RGS8: variants seen among roughly 807,000 people sequenced by gnomAD.
The protein encoded by RGS8 is regulator of G protein signaling 8, also known as regulator of G-protein signaling 8.
A neutral mutation model predicts 21.7 loss-of-function variants in RGS8; 8 were observed. The ratio of observed to expected loss-of-function variants is 0.37; its 90% CI spans 0.22 to 0.66. The LOEUF (loss-of-function observed/expected upper bound fraction) is 0.66, where lower values mean the gene tolerates loss of function less well. Among genes scored for constraint, RGS8 ranks in the 30% least tolerant of loss-of-function variants. RGS8 has a pLI of 0.59. For synonymous variants in RGS8, 80 were observed against 83.6 expected (o/e 0.96, Z 0.24); for missense variants, 157 against 217.9 (o/e 0.72, Z 1.76).
the RGS8 span, among the ~76,000 whole-genome samples, chr1:182,721,319 G>A: frequency 1.3e-5 from 2 of 152,066 alleles, no homozygotes; most frequent in African/African-American, 4.8e-5. Context: ...AAACAGGAGA[G>A]GGGAAATGTA....
At chr1:182,644,456 A>G (rs1376177546), downstream of RGS8, 1 of 152,158 alleles carries the variant, frequency 6.6e-6, no homozygotes, top group African/African-American at 2.4e-5. Flanking sequence ...CAGGATCCCC[A>G]AGCTTGGTCT....
At chr1:182,709,633 C>T in the RGS8 span, among the ~76,000 whole-genome samples, 1 of 152,150 alleles carries the variant, frequency 6.6e-6, no homozygotes, top group Non-Finnish European at 1.5e-5. Flanking sequence ...TATATCTCAT[C>T]GGCACTCCCC....
chr1:182,739,837 C>T, the RGS8 span, among the ~76,000 whole-genome samples: 1 of 152,102 alleles, frequency 6.6e-6, no homozygotes, highest in Non-Finnish European at 1.5e-5. Context: ...GCAGCAGAGA[C>T]CAGAGAGCTC....
At chr1:182,666,724 A>T in intron 4 of RGS8, 148 bp downstream of exon 5, 2 of 606,960 alleles carry the variant, frequency 3.3e-6, no homozygotes, top group South Asian at 4.0e-5. Context: ...GAAAATAAAC[A>T]TTCCTTTCAC....
the RGS8 span, among the ~76,000 whole-genome samples, chr1:182,745,522 T>C: frequency 6.6e-6 from 1 of 152,248 alleles, no homozygotes. Context: ...GACTTGAAAG[T>C]AATAAAATGG....
chr1:182,667,061 G>A (rs386467176), intron 3 of RGS8, 88 bp from the exon 5 acceptor site: 62 of 1,081,604 alleles, frequency 5.7e-5, no homozygotes, highest in Non-Finnish European at 7.7e-5. Flanking sequence ...CTGCTGCTAC[G>A]GGAGCCAGCA....
downstream of RGS8, chr1:182,645,485 T>C (rs1436281065): frequency 2.6e-5 from 4 of 152,222 alleles, no homozygotes; most frequent in Non-Finnish European, 5.9e-5. Flanking sequence ...AAGAATTGCC[T>C]GACACATTTC....
At chr1:182,696,539 G>A in the RGS8 span, among the ~76,000 whole-genome samples, 1 of 152,044 alleles carries the variant, frequency 6.6e-6, no homozygotes, top group South Asian at 2.1e-4. Context: ...TGTATTTTTA[G>A]TAGGGATGGG....
intron 6 of RGS8, 60 bp from the exon 8 acceptor site, chr1:182,646,977 T>G (rs763017447): frequency 7.2e-7 from 1 of 1,393,260 alleles, no homozygotes; most frequent in Non-Finnish European, 9.9e-7. Flanking sequence ...TTCTGGCAGC[T>G]GGCCCTAACT....
chr1:182,655,698 T>C (rs1161545965), intron 5 of RGS8, among the ~76,000 whole-genome samples: 1 of 152,210 alleles, frequency 6.6e-6, no homozygotes, highest in African/African-American at 2.4e-5. Flanking sequence ...GGGTTGGATA[T>C]GATGAGCTTT....
the RGS8 span, among the ~76,000 whole-genome samples, chr1:182,692,675 C>CAAAAAAA: frequency 1.1e-3 from 32 of 27,964 alleles, no homozygotes; most frequent in South Asian, 2.2e-3. Flanking sequence ...CAATCCTAAG[C>CAAAAAAA]AAAAAAAAAA....
chr1:182,720,350 C>T, the RGS8 span, among the ~76,000 whole-genome samples: 4 of 152,134 alleles, frequency 2.6e-5, no homozygotes, highest in African/African-American at 9.7e-5. Context: ...AAAGTTATCT[C>T]GCAAAAATCT....
the RGS8 span, among the ~76,000 whole-genome samples, chr1:182,691,477 C>T: frequency 7.2e-5 from 11 of 152,036 alleles, no homozygotes; most frequent in Non-Finnish European, 1.3e-4. Flanking sequence ...TCTTGGGATG[C>T]AAGTTTGGTG....
At chr1:182,708,354 C>T in the RGS8 span, among the ~76,000 whole-genome samples, 1 of 152,212 alleles carries the variant, frequency 6.6e-6, no homozygotes, top group African/African-American at 2.4e-5. Context: ...CCCCCGCTGG[C>T]CCCTGCAGTG....
intron 5 of RGS8, among the ~76,000 whole-genome samples, chr1:182,650,057 G>A (rs574166491): frequency 6.0e-5 from 9 of 150,286 alleles, no homozygotes; most frequent in Middle Eastern, 3.4e-3. Flanking sequence ...GATTACAGGC[G>A]TGCGCCACTA....
intron 1 of RGS8, among the ~76,000 whole-genome samples, chr1:182,680,622 G>A (rs1664506157): frequency 6.6e-6 from 1 of 150,858 alleles, no homozygotes; most frequent in Admixed American, 6.6e-5. Context: ...GAAAGCATGG[G>A]TTCATTCATT....
chr1:182,679,336 C>T (rs1156401078), intron 1 of RGS8, among the ~76,000 whole-genome samples: 1 of 152,038 alleles, frequency 6.6e-6, no homozygotes, highest in Non-Finnish European at 1.5e-5. Context: ...GGAAATGTTC[C>T]AGTACTTGTC....
At chr1:182,668,346 A>G (rs1663977498) in intron 3 of RGS8, among the ~76,000 whole-genome samples, 1 of 152,236 alleles carries the variant, frequency 6.6e-6, no homozygotes, top group Non-Finnish European at 1.5e-5. Flanking sequence ...TGCCACAGAA[A>G]TAGTCCTAGA....
chr1:182,650,202 G>C (rs961182041), intron 5 of RGS8, among the ~76,000 whole-genome samples: 1 of 152,110 alleles, frequency 6.6e-6, no homozygotes, highest in Admixed American at 6.5e-5. Context: ...GAGCCACCAC[G>C]CCCGGCCAAC....
Sources: gnomAD v4.1 joint callset for allele counts (sites outside exome capture counted in the v4.1 genomes callset) on GRCh38, gnomAD v4.1.1 for gene constraint, MANE v1.5 for transcripts, NCBI Gene and HGNC (gene_info 2026-07-23, HGNC 2026-07-21) for gene names.